LZTFL1: variants seen among roughly 807,000 people sequenced by gnomAD.
LZTFL1 encodes the protein leucine zipper transcription factor like 1.
LZTFL1 carries 25 observed loss-of-function variants against 45.9 expected under a neutral mutation model. The ratio of observed to expected loss-of-function variants is 0.54; its 90% CI spans 0.40 to 0.76. The LOEUF is 0.76. Among genes scored for constraint, LZTFL1 ranks in the 30% least tolerant of loss-of-function variants. LZTFL1 has a pLI of 0.00. For missense variants in LZTFL1, 277 were observed against 331.1 expected (o/e 0.84, Z 1.27); for synonymous variants, 93 against 117.4 (o/e 0.79, Z 1.35).
At chr3:45,876,723 G>A (rs17764831) in intron 2 of LZTFL1, among the ~76,000 whole-genome samples, 13,462 of 152,236 alleles carry the variant, frequency 0.088, 1,031 homozygotes, top group South Asian at 0.36. Flanking sequence ...GTAAAGCACC[G>A]TCTTGACACC....
rs1376671375 is a variant in LZTFL1, at chr3:45,901,306, G to A, written c.-215+11814C>T. ...AGCAAAATGGTTTGCTTTACCATCTGGGTATTGGCAGCTGCTCTCTGCATC... is the reference window on the plus strand; with the variant it reads ...AGCAAAATGGTTTGCTTTACCATCTAGGTATTGGCAGCTGCTCTCTGCATC... On this transcript the variant is annotated intron_variant, in intron 2 of 4. Coordinates refer to the LZTFL1 transcript ENST00000472635. This position sits in a 1 kb window ranked among gnomAD's most constrained non-coding sequence, Gnocchi z 4.3. 2 of 1,614,040 alleles carry A rather than the reference G, an allele frequency of 1.2e-6. No homozygotes were observed. The highest frequency in any genetic ancestry group is 2.7e-5 in the African/African-American group (2 of 74,902).
intron 7 of LZTFL1, 141 bp from the exon 8 acceptor site, chr3:45,828,756 T>G (rs1700735999): frequency 4.2e-6 from 3 of 716,352 alleles, no homozygotes; most frequent in Non-Finnish European, 4.5e-6. Context: ...CCAGCCTAGG[T>G]AAGTGCCAGC....
chr3:45,827,302 G>A (rs1700693181), intron 9 of LZTFL1, 54 bp downstream of exon 9: 10 of 1,308,264 alleles, frequency 7.6e-6, no homozygotes, highest in African/African-American at 1.5e-5. Flanking sequence ...ATTTAACAGA[G>A]AACAAACATC....
chr3:45,870,192 C>A (rs1219934833), intron 2 of LZTFL1, among the ~76,000 whole-genome samples: 1 of 152,224 alleles, frequency 6.6e-6, no homozygotes, highest in East Asian at 1.9e-4. Context: ...CGAGGGCATG[C>A]AGAAAGCTAT....
chr3:45,842,244 G>A, upstream of LZTFL1: 1 of 1,254,062 alleles, frequency 8.0e-7, no homozygotes, highest in East Asian at 2.6e-5. Flanking sequence ...TCCAGGGCCG[G>A]AAGTCCCACC....
upstream of LZTFL1, among the ~76,000 whole-genome samples, chr3:45,843,255 C>A (rs1398261802): frequency 6.6e-6 from 1 of 152,214 alleles, no homozygotes; most frequent in Non-Finnish European, 1.5e-5. Context: ...ATCCCACCTC[C>A]CCATTTCTGT....
At chr3:45,852,452 AT>A (rs1701323282) in intron 4 of LZTFL1, among the ~76,000 whole-genome samples, 1 of 152,244 alleles carries the variant, frequency 6.6e-6, no homozygotes, top group African/African-American at 2.4e-5. Flanking sequence ...GACTAAATGA[AT>A]TATGGAGCAA....
At chr3:45,867,498 T>A (rs1305663208) in intron 2 of LZTFL1, among the ~76,000 whole-genome samples, 1 of 152,080 alleles carries the variant, frequency 6.6e-6, no homozygotes, top group Non-Finnish European at 1.5e-5. Flanking sequence ...TGAATTGGAA[T>A]TAAAAGGCAA....
intron 2 of LZTFL1, among the ~76,000 whole-genome samples, chr3:45,874,601 A>T (rs139091974): frequency 6.6e-6 from 1 of 152,178 alleles, no homozygotes; most frequent in Non-Finnish European, 1.5e-5. Flanking sequence ...TCTCTATCAC[A>T]TTACCCTGTA....
In LZTFL1 at chr3:45,834,111, A is replaced by G. The variant is rs1427339207; in HGVS notation, c.384+127T>C. On this transcript the variant is annotated intron_variant, in intron 4 of 9. Coordinates refer to ENST00000296135, the MANE Select transcript of LZTFL1 (RefSeq NM_020347.4). ...CTGAAAATATGATAGACAATTTCTG[A>G]ATTTTACTCTTGAATTGAATGCTTT... is the stretch of plus-strand genomic sequence containing the variant. The G allele has an allele frequency of 1.3e-5, 8 of 600,586 alleles. No individual in the cohort carries two copies. In the Admixed American group the frequency reaches 2.1e-4, roughly 16 times the overall value. The allele number at this position is 600,586 out of a possible 1,614,324, so 37.2% of individuals were successfully genotyped here.
At chr3:45,870,102 G>A (rs1018667218) in intron 2 of LZTFL1, among the ~76,000 whole-genome samples, 6 of 152,218 alleles carry the variant, frequency 3.9e-5, no homozygotes, top group Non-Finnish European at 7.3e-5. Context: ...AACCTTCCAG[G>A]CAACCCACTT....
chr3:45,861,557 T>C (rs1021291317), intron 2 of LZTFL1, among the ~76,000 whole-genome samples: 7 of 152,202 alleles, frequency 4.6e-5, no homozygotes, highest in Non-Finnish European at 8.8e-5. Context: ...GACCTTGCGA[T>C]GATGCATTAT....
At chr3:45,856,157 A>AAAACAGCATG (rs958090111) in intron 3 of LZTFL1, among the ~76,000 whole-genome samples, 2 of 152,244 alleles carry the variant, frequency 1.3e-5, no homozygotes, top group Non-Finnish European at 2.9e-5. Context: ...TACAGTAACC[A>AAAACAGCATG]AAACAGCATG....
intron 1 of LZTFL1, chr3:45,915,301 T>C: frequency 3.2e-6 from 1 of 308,536 alleles, no homozygotes; most frequent in South Asian, 2.7e-5. Flanking sequence ...ACCCCTCTTT[T>C]CTCATCACTG....
intron 2 of LZTFL1, among the ~76,000 whole-genome samples, chr3:45,878,861 A>G (rs1701799836): frequency 6.6e-6 from 1 of 152,254 alleles, no homozygotes; most frequent in Admixed American, 6.5e-5. Context: ...CGGGCAGATC[A>G]CGAGGTCAGG....
At chr3:45,897,988 A>C (rs1702416905) in intron 2 of LZTFL1, among the ~76,000 whole-genome samples, 1 of 151,786 alleles carries the variant, frequency 6.6e-6, no homozygotes, top group Admixed American at 6.6e-5. Flanking sequence ...AAAAAAAAAA[A>C]AAAAACACAC....
At chr3:45,905,627 G>A (rs569316108) in intron 2 of LZTFL1, among the ~76,000 whole-genome samples, 2 of 152,186 alleles carry the variant, frequency 1.3e-5, no homozygotes, top group South Asian at 2.1e-4. Context: ...CTGCAGAGCC[G>A]CCCTGCCCAA....
At chr3:45,894,805 A>G in intron 2 of LZTFL1, 1 of 821,616 alleles carries the variant, frequency 1.2e-6, no homozygotes, top group South Asian at 1.4e-5. Context: ...TTTTTTCAGA[A>G]GAATAAGCAG....
At chr3:45,855,236 CA>C (rs1442019412) in intron 3 of LZTFL1, among the ~76,000 whole-genome samples, 1 of 152,192 alleles carries the variant, frequency 6.6e-6, no homozygotes, top group East Asian at 1.9e-4. Flanking sequence ...GCTTCATCCC[CA>C]TGATGCAAGG....
Sources: gnomAD v4.1 joint callset for allele counts (sites outside exome capture counted in the v4.1 genomes callset) on GRCh38, gnomAD v4.1.1 for gene constraint, Gnocchi (gnomAD v3.1) non-coding constraint, MANE v1.5 for transcripts, NCBI Gene and HGNC (gene_info 2026-07-23, HGNC 2026-07-21) for gene names.